Variants in TENM3 observed in about 807,000 individuals in gnomAD.
TENM3 encodes teneurin-3.
A neutral mutation model predicts 255.1 loss-of-function variants in TENM3; 63 were observed. The observed-to-expected ratio is 0.25, with a 90% CI of 0.20 to 0.30. TENM3 has a LOEUF of 0.30. Ranked by LOEUF, TENM3 falls within the 10% of genes least tolerant of loss-of-function variation. The probability of loss-of-function intolerance (pLI) is 1.00; values close to 1 mark genes in which losing one functional copy is unlikely to be tolerated. For synonymous variants in TENM3, 1,306 were observed against 1,322.3 expected (o/e 0.99, Z 0.27); for missense variants, 2,929 against 3,461.1 (o/e 0.85, Z 3.86).
chr4:182,687,342 G>C (rs939471395), intron 11 of TENM3, among the ~76,000 whole-genome samples: 1 of 152,016 alleles, frequency 6.6e-6, no homozygotes, highest in Non-Finnish European at 1.5e-5. Flanking sequence ...CTCTCAATTG[G>C]AACTAGTTAA....
chr4:181,694,838 G>T, the TENM3 span, among the ~76,000 whole-genome samples: 1 of 152,126 alleles, frequency 6.6e-6, no homozygotes, highest in African/African-American at 2.4e-5. Context: ...GCTGTTTTGT[G>T]ATTTAAGACT....
Position 182,753,503 on chromosome 4 carries a change from A to C in TENM3, c.3916A>C (p.Arg1306=). Residue 1306 remains arginine (R), a synonymous_variant, in exon 21 of 28, where the codon AGG becomes CGG. Coordinates refer to ENST00000511685, the MANE Select transcript of TENM3 (RefSeq NM_001080477.4). ...LIYFVDGTMI[R]KVDQNGIIST... ...CTACTTTGTTGATGGAACCATGATT[A>C]GGAAAGTTGACCAAAATGGAATCAT... 1 of 1,613,950 alleles carries C rather than the reference A, an allele frequency of 6.2e-7. No homozygotes were observed. The highest frequency in any genetic ancestry group is 1.1e-5 in the South Asian group (1 of 91,078).
chr4:182,223,506 T>A (rs933993478), intron 1 of TENM3, among the ~76,000 whole-genome samples: 8 of 152,174 alleles, frequency 5.3e-5, no homozygotes, highest in Non-Finnish European at 1.2e-4. Context: ...TAAATGTATT[T>A]GGTTGATTAC....
intron 24 of TENM3, among the ~76,000 whole-genome samples, chr4:182,777,803 C>A (rs1331284531): frequency 2.7e-5 from 4 of 148,894 alleles, no homozygotes; most frequent in Non-Finnish European, 4.4e-5. Context: ...AGTCATCTGC[C>A]CGCCTCGGCC....
intron 26 of TENM3, among the ~76,000 whole-genome samples, chr4:182,794,384 A>G (rs1261519535): frequency 1.3e-5 from 2 of 152,194 alleles, no homozygotes; most frequent in African/African-American, 4.8e-5. Context: ...GGGTTTTTTT[A>G]ATACATGTGT....
the TENM3 span, among the ~76,000 whole-genome samples, chr4:181,780,546 A>G: frequency 6.6e-6 from 1 of 152,232 alleles, no homozygotes; most frequent in African/African-American, 2.4e-5. Context: ...GCACTTTGTC[A>G]GATGAGTAGA....
chr4:181,768,640 T>C, the TENM3 span, among the ~76,000 whole-genome samples: 7 of 152,216 alleles, frequency 4.6e-5, no homozygotes, highest in African/African-American at 1.2e-4. Flanking sequence ...CCAATTTATA[T>C]GACAAAATGC....
chr4:182,455,549 ATTTC>A (rs372448781), intron 3 of TENM3, among the ~76,000 whole-genome samples: 2 of 100,308 alleles, frequency 2.0e-5, no homozygotes, highest in Non-Finnish European at 3.8e-5. Flanking sequence ...CTTGCATGGT[ATTTC>A]TTTTTTTTTT....
intron 1 of TENM3, among the ~76,000 whole-genome samples, chr4:182,168,240 T>G (rs1344470237): frequency 3.3e-5 from 5 of 151,970 alleles, no homozygotes; most frequent in Non-Finnish European, 7.4e-5. Flanking sequence ...GCTCAAACAA[T>G]TCTCCCACCT....
chr4:182,264,504 A>G (rs1210732974), intron 1 of TENM3, among the ~76,000 whole-genome samples: 8 of 152,214 alleles, frequency 5.3e-5, no homozygotes, highest in Non-Finnish European at 1.0e-4. Context: ...AGTCTTTGCA[A>G]TCTCAAAATT....
At chr4:182,340,412 G>T (rs1011826835) in intron 2 of TENM3, among the ~76,000 whole-genome samples, 1 of 152,124 alleles carries the variant, frequency 6.6e-6, no homozygotes, top group Non-Finnish European at 1.5e-5. Context: ...GTGGTTATGG[G>T]TATTAACAAC....
intron 3 of TENM3, among the ~76,000 whole-genome samples, chr4:182,467,783 T>G (rs1299197439): frequency 6.6e-6 from 1 of 152,198 alleles, no homozygotes. Context: ...AACCCATCTT[T>G]ATGAACACGC....
the TENM3 span, among the ~76,000 whole-genome samples, chr4:181,625,878 G>A: frequency 6.6e-6 from 1 of 152,040 alleles, no homozygotes; most frequent in Non-Finnish European, 1.5e-5. Flanking sequence ...TTCAGTCAAA[G>A]TAGAGTGGGA....
chr4:181,958,791 A>G, the TENM3 span, among the ~76,000 whole-genome samples: 84 of 152,328 alleles, frequency 5.5e-4, 1 homozygote, highest in African/African-American at 2.0e-3. Flanking sequence ...GTCTCCCCTC[A>G]GTATCATATT....
At chr4:182,140,472 G>C (rs1402513614), upstream of TENM3, among the ~76,000 whole-genome samples, 1 of 152,146 alleles carries the variant, frequency 6.6e-6, no homozygotes, top group Non-Finnish European at 1.5e-5. Flanking sequence ...AGTGGGAGAG[G>C]TTGCAGCCGG....
intron 2 of TENM3, among the ~76,000 whole-genome samples, chr4:182,336,513 A>C (rs1417346705): frequency 6.6e-6 from 1 of 152,180 alleles, no homozygotes; most frequent in Admixed American, 6.5e-5. Context: ...ACACCTTCTG[A>C]TTTTCAGTCA....
At chr4:182,468,824 T>TGTGTG (rs1732835421) in intron 3 of TENM3, among the ~76,000 whole-genome samples, 1 of 143,778 alleles carries the variant, frequency 7.0e-6, no homozygotes. Flanking sequence ...TCCTGTGTGC[T>TGTGTG]TGTGTGTGTG....
intron 3 of TENM3, among the ~76,000 whole-genome samples, chr4:182,366,501 A>G (rs775155361): frequency 2.0e-5 from 3 of 152,050 alleles, no homozygotes; most frequent in Non-Finnish European, 2.9e-5. Context: ...ATTTTTTCAC[A>G]TTATCCACTT....
At chr4:181,993,628 G>A in the TENM3 span, among the ~76,000 whole-genome samples, 5 of 151,950 alleles carry the variant, frequency 3.3e-5, no homozygotes, top group Non-Finnish European at 5.9e-5. Flanking sequence ...CATTTAAGCC[G>A]GGAGGCATAC....
Sources: allele counts gnomAD v4.1 joint callset (sites outside exome capture counted in the v4.1 genomes callset), GRCh38; gene constraint gnomAD v4.1.1; transcripts MANE v1.5; gene names NCBI Gene and HGNC (gene_info 2026-07-23, HGNC 2026-07-21).